The following SIRT1 variants were observed in gnomAD, a reference collection of about 807,000 sequenced individuals.
SIRT1 encodes the protein sirtuin 1, also known as NAD-dependent protein deacetylase sirtuin-1.
In SIRT1, 24 loss-of-function variants were observed where a neutral mutation model predicts 67.9. The ratio of observed to expected loss-of-function variants is 0.35; its 90% CI spans 0.26 to 0.50. SIRT1 has a LOEUF of 0.50. SIRT1 is among the 20% of genes least tolerant of loss of function. The pLI is 0.98. For synonymous variants in SIRT1, 378 were observed against 350.7 expected (o/e 1.08, Z -0.87); for missense variants, 873 against 937.2 (o/e 0.93, Z 0.89).
At chr10:67,885,526 T>A (rs920320159) in intron 1 of SIRT1, 1 of 601,582 alleles carries the variant, frequency 1.7e-6, no homozygotes, top group Non-Finnish European at 2.1e-6. Context: ...TTTTCTCCTC[T>A]ACCCCCCAGC....
chr10:67,907,181 C>T (rs770411665), intron 5 of SIRT1, among the ~76,000 whole-genome samples: 3 of 152,134 alleles, frequency 2.0e-5, no homozygotes, highest in Non-Finnish European at 4.4e-5. Flanking sequence ...GCTGCAGTTG[C>T]ATGCATTCAA....
At chr10:67,908,460 G>A (rs1231464961) in intron 6 of SIRT1, among the ~76,000 whole-genome samples, 1 of 151,858 alleles carries the variant, frequency 6.6e-6, no homozygotes, top group African/African-American at 2.4e-5. Flanking sequence ...AATTAGTTAT[G>A]GTAATCTAAA....
chr10:67,888,558 A>G (rs1312577188), intron 2 of SIRT1, among the ~76,000 whole-genome samples: 1 of 152,204 alleles, frequency 6.6e-6, no homozygotes, highest in African/African-American at 2.4e-5. Flanking sequence ...TCTATGTCGT[A>G]GAACCCTTTT....
intron 3 of SIRT1, among the ~76,000 whole-genome samples, chr10:67,889,767 A>C (rs552768171): frequency 6.6e-6 from 1 of 152,312 alleles, no homozygotes; most frequent in South Asian, 2.1e-4. Context: ...ATAATCTTAG[A>C]TGATCATCAG....
chr10:67,885,318 A>G (rs1842459146), intron 1 of SIRT1, 167 bp downstream of exon 1: 23 of 1,239,546 alleles, frequency 1.9e-5, no homozygotes, highest in Non-Finnish European at 2.1e-5. Flanking sequence ...TGCGGTTCCT[A>G]CTGCGCGAGC....
At position 67,889,101 on chromosome 10, in the gene SIRT1, T is replaced by A; in HGVS notation, c.767T>A (p.Ile256Asn). The A allele has an allele frequency of 6.2e-7, 1 of 1,602,878 alleles. No homozygotes were observed. The highest frequency in any genetic ancestry group is 8.5e-7 in the Non-Finnish European group (1 of 1,179,508). Residue 256 changes from isoleucine to asparagine, a missense_variant, in exon 3 of 9, where the codon ATT (isoleucine) becomes AAT (asparagine). Ile to Asn is a moderately radical substitution (Grantham distance 149). This residue lies in a region of SIRT1 where 251 missense variants were observed against 358.8 expected (regional missense o/e 0.70). Coordinates refer to ENST00000212015, the MANE Select transcript of SIRT1 (RefSeq NM_012238.5). ...AVKLLQECKK[I>N]IVLTGAGVSV... ...AAATTACTGCAAGAGTGCAAAAAAA[T>A]TATAGTTCTAACTGGAGCTGGGGTA...
At chr10:67,907,981 T>G in intron 5 of SIRT1, 65 bp from the exon 6 acceptor site, 1 of 1,320,566 alleles carries the variant, frequency 7.6e-7, no homozygotes, top group Non-Finnish European at 1.1e-6. Flanking sequence ...TTTATAACGT[T>G]TGTGGTGTGT....
At chr10:67,904,600 C>CT (rs1842793411) in intron 4 of SIRT1, among the ~76,000 whole-genome samples, 1 of 152,042 alleles carries the variant, frequency 6.6e-6, no homozygotes, top group South Asian at 2.1e-4. Flanking sequence ...AATCCCAGCA[C>CT]TTTGTGAGAC....
intron 4 of SIRT1, among the ~76,000 whole-genome samples, chr10:67,893,967 C>CGACT (rs1354374820): frequency 2.6e-5 from 4 of 152,018 alleles, no homozygotes; most frequent in African/African-American, 9.7e-5. Flanking sequence ...CTTAAATTGG[C>CGACT]GACTGTCTTT....
At chr10:67,892,774 G>A (rs149735528) in intron 4 of SIRT1, among the ~76,000 whole-genome samples, 471 of 152,094 alleles carry the variant, frequency 3.1e-3, no homozygotes, top group Non-Finnish European at 5.6e-3. Flanking sequence ...GCTAATTTCT[G>A]TATTTTTAGT....
At chr10:67,911,991 T>G (rs942819121) in intron 7 of SIRT1, among the ~76,000 whole-genome samples, 4 of 152,156 alleles carry the variant, frequency 2.6e-5, no homozygotes, top group Non-Finnish European at 5.9e-5. Context: ...CTTGAACTCC[T>G]GACCTCAGGT....
rs2029953407 is a variant in SIRT1, at chr10:67,917,324, AAACT to A, written c.*735_*738del. The A allele has an allele frequency of 6.6e-6, 1 of 152,616 alleles. No homozygotes were observed. The highest frequency in any genetic ancestry group is 6.5e-5 in the Admixed American group (1 of 15,280). 9.5% of individuals were successfully genotyped at this position (152,616 alleles called of 1,614,324 possible). On this transcript the variant is annotated 3_prime_UTR_variant, in exon 9 of 9. Transcript: ENST00000212015. ...GTAGCAATGTCTATATTGGCTCATA[AAACT>A]AACCTGAAAAACAAATAAATGCTTT...
intron 4 of SIRT1, among the ~76,000 whole-genome samples, chr10:67,901,724 A>G (rs533366406): frequency 7.9e-5 from 12 of 152,248 alleles, no homozygotes; most frequent in Non-Finnish European, 1.6e-4. Flanking sequence ...GTGTTAGGTT[A>G]ATACAGGGGT....
intron 4 of SIRT1, among the ~76,000 whole-genome samples, chr10:67,899,403 T>C (rs1842707768): frequency 6.6e-6 from 1 of 151,836 alleles, no homozygotes; most frequent in African/African-American, 2.4e-5. Context: ...AAAAATCATA[T>C]ATCTATATAT....
At position 67,917,332 on chromosome 10, in the gene SIRT1, C is replaced by A. The variant is rs200216073; in HGVS notation, c.*739C>A. ...GTCTATATTGGCTCATAAAACTAAC[C>A]TGAAAAACAAATAAATGCTTTGGAA... On this transcript the variant is annotated 3_prime_UTR_variant, in exon 9 of 9. Coordinates refer to ENST00000212015, the MANE Select transcript of SIRT1 (RefSeq NM_012238.5). The A allele has an allele frequency of 1.3e-5, 2 of 152,558 alleles. No homozygotes were observed. Among genetic ancestry groups the A allele is most frequent in the Non-Finnish European group, 2.9e-5 (2 of 68,030 alleles). 9.5% of individuals were successfully genotyped at this position (152,558 alleles called of 1,614,324 possible). A position where few individuals can be genotyped will look rare whatever the true frequency, so the allele number is the denominator to read the frequency against.
At chr10:67,901,557 C>G (rs1036017532) in intron 4 of SIRT1, among the ~76,000 whole-genome samples, 42 of 152,142 alleles carry the variant, frequency 2.8e-4, no homozygotes, top group African/African-American at 9.7e-4. Context: ...GTCATATGTT[C>G]TTTGTTTTCT....
At chr10:67,891,776 T>C (rs1456081740) in intron 4 of SIRT1, among the ~76,000 whole-genome samples, 1 of 152,232 alleles carries the variant, frequency 6.6e-6, no homozygotes, top group Non-Finnish European at 1.5e-5. Context: ...AGATAGTTCA[T>C]ATTTTTAAAA....
intron 1 of SIRT1, among the ~76,000 whole-genome samples, chr10:67,885,662 G>T (rs953619906): frequency 1.3e-5 from 2 of 151,974 alleles, no homozygotes; most frequent in African/African-American, 4.8e-5. Context: ...TACAATTTTT[G>T]AAAGAGGAAA....
rs145705395 is a variant in SIRT1 at position 67,916,802 on chromosome 10, T to TA, written c.*220dup. 4,051 of 282,470 alleles carry TA rather than the reference T, an allele frequency of 0.014. 20 individuals are homozygous for TA. Among genetic ancestry groups the TA allele is most frequent in the Non-Finnish European group, 0.019 (2,894 of 153,850 alleles). The allele number at this position is 282,470 out of a possible 1,614,324, so 17.5% of individuals were successfully genotyped here. ...AACTCAACACTAACTTTTTTTTTTT[T>TA]AAAAAAAAAAAGGTACTAAGTATCT... On this transcript the variant is annotated 3_prime_UTR_variant, in exon 9 of 9. Coordinates refer to ENST00000212015, the MANE Select transcript of SIRT1 (RefSeq NM_012238.5).
Sources: allele counts gnomAD v4.1 joint callset (sites outside exome capture counted in the v4.1 genomes callset), GRCh38; gene constraint gnomAD v4.1.1; regional missense constraint gnomAD v4.1.1; transcripts MANE v1.5; gene names NCBI Gene and HGNC (gene_info 2026-07-23, HGNC 2026-07-21).